TJP2: variants seen among roughly 807,000 people sequenced by gnomAD.
TJP2 encodes Friedreich ataxia region gene X104 (tight junction protein ZO-2).
TJP2 carries 91 observed loss-of-function variants against 133.1 expected under a neutral mutation model. That is an observed-to-expected ratio of 0.68 (90% CI 0.58 to 0.81). TJP2 has a LOEUF of 0.81. Ranked by LOEUF, TJP2 falls within the 40% of genes least tolerant of loss-of-function variation. TJP2 has a pLI of 0.00. For missense variants in TJP2, 1,541 were observed against 1,565.6 expected (o/e 0.98, Z 0.26); for synonymous variants, 592 against 583.4 (o/e 1.01, Z -0.21).
chr9:69,129,956 A>C (rs1197031867), intron 1 of TJP2, among the ~76,000 whole-genome samples: 1 of 149,884 alleles, frequency 6.7e-6, no homozygotes, highest in Non-Finnish European at 1.5e-5. Context: ...CGGAGGTTGC[A>C]GTGAGCCAAG....
exon 1 of TJP2, chr9:69,121,490 G>A (rs1028065776): frequency 1.4e-5 from 5 of 354,380 alleles, no homozygotes; most frequent in African/African-American, 6.7e-5. Context: ...ACAGGAAATA[G>A]CCCGAATCAC....
chr9:69,212,888 G>A (rs1244800494), intron 2 of TJP2, among the ~76,000 whole-genome samples: 1 of 59,916 alleles, frequency 1.7e-5, no homozygotes, highest in African/African-American at 4.1e-5. Context: ...AGGGAAGAAT[G>A]AAAATGACCT....
intron 2 of TJP2, among the ~76,000 whole-genome samples, chr9:69,156,554 C>T (rs1172648564): frequency 3.8e-5 from 4 of 106,412 alleles, no homozygotes; most frequent in African/African-American, 7.6e-5. Context: ...TTTTTTGAGA[C>T]GGAGTCTCGT....
intron 2 of TJP2, among the ~76,000 whole-genome samples, chr9:69,215,645 C>T (rs1444570051): frequency 6.6e-6 from 1 of 151,488 alleles, no homozygotes; most frequent in Non-Finnish European, 1.5e-5. Context: ...ATTGGCCTCC[C>T]AAAGTGCTGG....
Position 69,138,483 on chromosome 9 carries a change from A to AT in TJP2, c.-130-13168_-130-13167insT, listed in dbSNP as rs1822872826. 2.0e-5 allele frequency among the ~76,000 whole-genome samples: 3 copies of AT among 151,530 alleles called. No homozygotes were observed. The South Asian group carries it at 6.3e-4, about 32-fold the overall frequency. ...TGAGAACTTTACAAAAAAAAAAAAA[A>AT]GGGCCAGGGACCATGGCTTATGCTT... On this transcript the variant is annotated intron_variant, in intron 1 of 5. Transcript: ENST00000423935.
chr9:69,206,002 A>G (rs190326646), intron 1 of TJP2, among the ~76,000 whole-genome samples: 11 of 152,352 alleles, frequency 7.2e-5, no homozygotes, highest in Admixed American at 2.6e-4. Flanking sequence ...AAAAAAACAC[A>G]ATAAGTAACT....
chr9:69,192,330 C>CCAAG (rs1826258334), intron 1 of TJP2, among the ~76,000 whole-genome samples: 1 of 151,956 alleles, frequency 6.6e-6, no homozygotes, highest in African/African-American at 2.4e-5. Context: ...TTGATCCTCA[C>CCAAG]CAAGAACCCT....
chr9:69,178,881 G>A (rs1418049950), intron 1 of TJP2, among the ~76,000 whole-genome samples: 4 of 152,150 alleles, frequency 2.6e-5, no homozygotes, highest in African/African-American at 7.2e-5. Context: ...ATTCATTGCC[G>A]AAGAATGTGG....
At chr9:69,229,972 C>T in intron 10 of TJP2, 110 bp from the exon 11 acceptor site, 2 of 1,398,410 alleles carry the variant, frequency 1.4e-6, no homozygotes, top group Non-Finnish European at 2.0e-6. Context: ...GCTTTGTAAA[C>T]TATAAATCAC....
rs185764421 is a variant in TJP2, at chr9:69,188,516, C to T, written c.60+14084C>T. Among the ~76,000 whole-genome samples the T allele has an allele frequency of 8.5e-5, 13 of 152,214 alleles. No homozygotes were observed. The East Asian group carries it at 2.5e-3, about 29-fold the overall frequency. ...GCAAGAAAATAGGAGAAGCTCAAGG[C>T]CCTGTGTTGATTATTAGGAGTTTAA... On this transcript the variant is annotated intron_variant, in intron 1 of 22. Coordinates refer to ENST00000377245, the MANE Select transcript of TJP2 (RefSeq NM_004817.4).
intron 2 of TJP2, among the ~76,000 whole-genome samples, chr9:69,161,640 G>A (rs1424827930): frequency 6.6e-6 from 1 of 151,818 alleles, no homozygotes; most frequent in Non-Finnish European, 1.5e-5. Flanking sequence ...TCAATCTTGG[G>A]GTAACATGAG....
At chr9:69,204,787 T>C (rs1827267775) in intron 1 of TJP2, 1 of 1,038,742 alleles carries the variant, frequency 9.6e-7, no homozygotes, top group Non-Finnish European at 1.2e-6. Flanking sequence ...CTTCTCTAAA[T>C]ATTCTTTTCC....
intron 18 of TJP2, among the ~76,000 whole-genome samples, chr9:69,247,157 G>A (rs1010193947): frequency 2.0e-5 from 3 of 152,162 alleles, no homozygotes; most frequent in African/African-American, 7.2e-5. Flanking sequence ...TGGAGAATAC[G>A]GCTAAACATT....
upstream of TJP2, among the ~76,000 whole-genome samples, chr9:69,170,478 C>CACCA (rs1274813011): frequency 6.6e-6 from 1 of 152,054 alleles, no homozygotes; most frequent in Non-Finnish European, 1.5e-5. Flanking sequence ...TAGCCCAGCC[C>CACCA]ACCATCATTG....
intron 19 of TJP2, chr9:69,248,452 A>G (rs1831087808): frequency 1.4e-6 from 2 of 1,380,622 alleles, no homozygotes; most frequent in Non-Finnish European, 1.9e-6. Context: ...CACTCCGCAC[A>G]CCCATGCCCT....
chr9:69,208,705 T>G (rs921896150), intron 1 of TJP2, among the ~76,000 whole-genome samples: 1 of 152,236 alleles, frequency 6.6e-6, no homozygotes, highest in African/African-American at 2.4e-5. Context: ...CCTTGGGATA[T>G]TCAACATTTT....
upstream of TJP2, among the ~76,000 whole-genome samples, chr9:69,170,721 C>T (rs1041088938): frequency 6.6e-5 from 10 of 152,152 alleles, no homozygotes; most frequent in Non-Finnish European, 1.3e-4. Flanking sequence ...TTGTTCTTTC[C>T]TTGGCTTTTT....
upstream of TJP2, chr9:69,173,906 G>C: frequency 8.2e-6 from 8 of 977,454 alleles, no homozygotes; most frequent in Non-Finnish European, 9.7e-6. Flanking sequence ...CGCTCGGAGC[G>C]GGACCTGCTT....
At chr9:69,121,757 C>T (rs185723390) in intron 1 of TJP2, 1 of 152,408 alleles carries the variant, frequency 6.6e-6, no homozygotes, top group Admixed American at 6.5e-5. Context: ...CCTCCCCGGC[C>T]CAGGTGCTGC....
Sources: allele counts gnomAD v4.1 joint callset (sites outside exome capture counted in the v4.1 genomes callset), GRCh38; gene constraint gnomAD v4.1.1; transcripts MANE v1.5; gene names NCBI Gene and HGNC (gene_info 2026-07-23, HGNC 2026-07-21).